The following TIMD4 variants were observed in gnomAD, a reference collection of about 807,000 sequenced individuals.
TIMD4 encodes the protein T cell immunoglobulin and mucin domain containing 4.
In TIMD4, 31 loss-of-function variants were observed where a neutral mutation model predicts 41.2. That is an observed-to-expected ratio of 0.75 (90% CI 0.57 to 1.01). The LOEUF is 1.01. TIMD4 is among the 50% of genes least tolerant of loss of function. TIMD4 has a pLI of 0.00. For synonymous variants in TIMD4, 204 were observed against 177.1 expected, an observed-to-expected ratio of 1.15 and a Z score of -1.21; for missense variants, 479 against 472.5, an observed-to-expected ratio of 1.01 and a Z score of -0.13.
rs752377787 is a variant in TIMD4 at position 156,926,314 on chromosome 5, T to C, written c.845-2A>G. The C allele has an allele frequency of 3.3e-5, 54 of 1,613,468 alleles. No homozygotes were observed. The highest frequency in any genetic ancestry group is 4.3e-5 in the Non-Finnish European group (51 of 1,179,660). On this transcript the variant is annotated splice_acceptor_variant, in intron 5 of 8. Coordinates refer to ENST00000274532, the MANE Select transcript of TIMD4 (RefSeq NM_138379.3). LOFTEE classifies it high-confidence loss of function. ...GCTCAGGAACTGCTGTATCAGATGC[T>C]GGGAAGGAAAAGAGAAGAAAATGGT...
intron 1 of TIMD4, among the ~76,000 whole-genome samples, chr5:156,962,018 A>G (rs1753073901): frequency 6.6e-6 from 1 of 152,080 alleles, no homozygotes. Context: ...ATGAGAGCTA[A>G]AAAAGTTGAT....
At chr5:156,928,072 G>C (rs1032356453) in intron 5 of TIMD4, among the ~76,000 whole-genome samples, 1 of 152,152 alleles carries the variant, frequency 6.6e-6, no homozygotes, top group African/African-American at 2.4e-5. Context: ...TTGGGAGGCC[G>C]AGGTGGGCAG....
chr5:156,936,598 T>C, intron 5 of TIMD4, among the ~76,000 whole-genome samples: 1 of 151,826 alleles, frequency 6.6e-6, no homozygotes, highest in East Asian at 1.9e-4. Flanking sequence ...CTATGGACTT[T>C]GGAAAATGTG....
At chr5:156,933,208 A>G (rs1759475029) in intron 5 of TIMD4, among the ~76,000 whole-genome samples, 2 of 152,168 alleles carry the variant, frequency 1.3e-5, no homozygotes, top group African/African-American at 4.8e-5. Flanking sequence ...ACAATAATCT[A>G]TTGTTATGAG....
chr5:156,946,232 T>A (rs1003942341), intron 5 of TIMD4, among the ~76,000 whole-genome samples: 2 of 152,186 alleles, frequency 1.3e-5, no homozygotes, highest in African/African-American at 4.8e-5. Flanking sequence ...TCTCTTTCTT[T>A]GTCAGAAAAT....
chr5:156,927,533 C>A (rs978045656), intron 5 of TIMD4, among the ~76,000 whole-genome samples: 6 of 152,206 alleles, frequency 3.9e-5, no homozygotes, highest in South Asian at 4.1e-4. Flanking sequence ...AATGGAAAAC[C>A]ACAGAAATGT....
chr5:156,940,816 T>C (rs2113367762), intron 5 of TIMD4, among the ~76,000 whole-genome samples: 1 of 152,230 alleles, frequency 6.6e-6, no homozygotes, highest in East Asian at 1.9e-4. Context: ...CTGGGAGGTG[T>C]ACCCAACAGC....
intron 5 of TIMD4, among the ~76,000 whole-genome samples, chr5:156,928,723 G>A (rs906505229): frequency 6.6e-6 from 1 of 152,124 alleles, no homozygotes; most frequent in Non-Finnish European, 1.5e-5. Flanking sequence ...CTTGTTAAAT[G>A]TCACTAGGAA....
chr5:156,920,478 C>T lies in TIMD4; in HGVS notation c.1038G>A (p.Ser346=), dbSNP rs145512953. The change falls in exon 8 of 9, where the codon TCG becomes TCA. Residue 346 remains serine, a synonymous_variant. Transcript: ENST00000274532. Reference sequence around the variant, plus strand: ...AGATAGATTACCTTGTGTGTTTCTGCGAACAATAGGTTTCCATGAGTTTCC... The same window carrying T: ...AGATAGATTACCTTGTGTGTTTCTGTGAACAATAGGTTTCCATGAGTTTCC... The part of the protein sequence containing the change: ...LRGKLMETYC[S]QKHTRLDYIG... 144 of 1,614,012 alleles carry T rather than the reference C, an allele frequency of 8.9e-5. 1 individual carries two copies. The highest frequency in any genetic ancestry group is 6.4e-4 in the South Asian group (58 of 91,082).
chr5:156,954,969 C>T (rs1759944026), intron 1 of TIMD4, among the ~76,000 whole-genome samples: 1 of 152,008 alleles, frequency 6.6e-6, no homozygotes, highest in Non-Finnish European at 1.5e-5. Context: ...CCTCAACCTC[C>T]CAGACTCAAT....
chr5:156,954,812 C>G (rs1759941628), intron 1 of TIMD4, 56 bp from the exon 2 acceptor site: 3 of 1,431,254 alleles, frequency 2.1e-6, no homozygotes, highest in African/African-American at 1.4e-5. Context: ...CTCAAACATG[C>G]TACACAGTTT....
chr5:156,925,226 C>T (rs1188655308), intron 6 of TIMD4, among the ~76,000 whole-genome samples: 1 of 152,204 alleles, frequency 6.6e-6, no homozygotes, highest in Non-Finnish European at 1.5e-5. Context: ...AGGAGAATCG[C>T]TTGAACCCAG....
intron 6 of TIMD4, 136 bp from the exon 7 acceptor site, chr5:156,922,352 G>A (rs1033385108): frequency 2.8e-5 from 22 of 788,240 alleles, no homozygotes; most frequent in African/African-American, 1.0e-4. Flanking sequence ...AAAAATCTCT[G>A]AAAACCCAAA....
At chr5:156,919,971 G>A (rs972364051) in intron 8 of TIMD4, among the ~76,000 whole-genome samples, 1 of 151,976 alleles carries the variant, frequency 6.6e-6, no homozygotes, top group Non-Finnish European at 1.5e-5. Flanking sequence ...TATAGAATAG[G>A]GCAAATAGCT....
At chr5:156,946,461 C>T (rs1433636031) in intron 5 of TIMD4, among the ~76,000 whole-genome samples, 1 of 152,016 alleles carries the variant, frequency 6.6e-6, no homozygotes. Flanking sequence ...TGTCTGTTTC[C>T]TCCAACTCTG....
intron 1 of TIMD4, among the ~76,000 whole-genome samples, chr5:156,962,602 A>G (rs965046082): frequency 2.0e-5 from 3 of 152,204 alleles, no homozygotes; most frequent in African/African-American, 7.2e-5. Context: ...AGGCCAGAAC[A>G]CTTGGCTCTA....
intron 6 of TIMD4, among the ~76,000 whole-genome samples, chr5:156,924,943 A>AAATCCTTTC (rs1759318392): frequency 1.3e-5 from 2 of 152,194 alleles, no homozygotes; most frequent in Non-Finnish European, 2.9e-5. Context: ...CAAGGCTTAG[A>AAATCCTTTC]ACTCCCTGTA....
intron 7 of TIMD4, 54 bp from the exon 8 acceptor site, chr5:156,920,557 C>G: frequency 6.3e-7 from 1 of 1,586,278 alleles, no homozygotes; most frequent in Admixed American, 1.7e-5. Flanking sequence ...ATAGAACATG[C>G]AAAATGCTGG....
chr5:156,950,144 C>A (rs1759827126), intron 3 of TIMD4, among the ~76,000 whole-genome samples: 1 of 151,756 alleles, frequency 6.6e-6, no homozygotes, highest in African/African-American at 2.4e-5. Flanking sequence ...TTATCTAATT[C>A]TTTAAAAGAC....
Sources: allele counts gnomAD v4.1 joint callset (sites outside exome capture counted in the v4.1 genomes callset), GRCh38; gene constraint gnomAD v4.1.1; transcripts MANE v1.5; gene names NCBI Gene and HGNC (gene_info 2026-07-23, HGNC 2026-07-21).